The following OTOGL variants were observed in gnomAD, a reference collection of about 807,000 sequenced individuals.
OTOGL encodes the protein otogelin-like protein.
A neutral mutation model predicts 318.5 loss-of-function variants in OTOGL; 285 were observed. The ratio of observed to expected loss-of-function variants is 0.89; its 90% CI spans 0.81 to 0.99. The LOEUF (loss-of-function observed/expected upper bound fraction) is 0.99, where lower values mean the gene tolerates loss of function less well. Among genes scored for constraint, OTOGL ranks in the 50% least tolerant of loss-of-function variants. The probability of loss-of-function intolerance (pLI) is 0.00; values close to 1 mark genes in which losing one functional copy is unlikely to be tolerated. For missense variants in OTOGL, 2,899 were observed against 2,845.6 expected (o/e 1.02, Z -0.43); for synonymous variants, 987 against 936.5 (o/e 1.05, Z -0.99).
rs1490972201 is a variant in OTOGL, at chr12:80,318,705, A to G, written c.3794A>G (p.Lys1265Arg). 3 of 1,275,398 alleles carry G rather than the reference A, an allele frequency of 2.4e-6. No individual in the cohort carries two copies. The highest frequency in any genetic ancestry group is 3.0e-6 in the Non-Finnish European group (3 of 994,154). 79.0% of individuals were successfully genotyped at this position (1,275,398 alleles called of 1,614,324 possible). A position where few individuals can be genotyped will look rare whatever the true frequency, so the allele number is the denominator to read the frequency against. Residue 1265 changes from lysine (K) to arginine (R), a missense_variant, in exon 33 of 59, where the codon AAG becomes AGG. Physicochemically the swap from Lys to Arg is conservative, Grantham distance 26 (BLOSUM62 2). Around this residue, in one of 3 missense-constraint regions of OTOGL, gnomAD observed 2,607 missense variants for 2,524.9 expected, o/e 1.03. Transcript: ENST00000547103. ...FMITPGLFKE[K>R]VSSLALVSLE... ...ATCACTCCAGGCCTTTTCAAAGAGA[A>G]GGTATCATGTAAGTATAATTGAAAA...
At chr12:80,221,523 C>A (rs1023978112) in intron 6 of OTOGL, among the ~76,000 whole-genome samples, 5 of 152,036 alleles carry the variant, frequency 3.3e-5, no homozygotes, top group Non-Finnish European at 7.4e-5. Flanking sequence ...CCCACCTTGG[C>A]CTACCAAATT....
At chr12:80,313,455 A>G in intron 30 of OTOGL, 21 bp from the exon 31 acceptor site, 1 of 1,583,654 alleles carries the variant, frequency 6.3e-7, no homozygotes, top group Non-Finnish European at 8.7e-7. Context: ...AAATTAAGTA[A>G]TCTTTCACCT....
At chr12:80,333,112 A>C (rs751126409) in intron 38 of OTOGL, 34 bp downstream of exon 38, 1 of 1,513,478 alleles carries the variant, frequency 6.6e-7, no homozygotes, top group Non-Finnish European at 9.0e-7. Context: ...GCTCTTTGTC[A>C]TTTCCATATA....
rs745350900 is a variant in OTOGL at position 80,356,771 on chromosome 12, C to T, written c.5912-36C>T. The stretch of plus-strand genomic sequence containing the variant: ...AACACTATGTCATTTTTTTATTATG[C>T]TATACAAATTTTCTAATGTAATTTT... On this transcript the variant is annotated intron_variant, in intron 48 of 58. Transcript: ENST00000547103. 6 of 1,288,730 alleles carry T rather than the reference C, an allele frequency of 4.7e-6. No individual in the cohort carries two copies. The African/African-American group carries it at 7.6e-5, about 16-fold the overall frequency. The allele number at this position is 1,288,730 out of a possible 1,614,324, so 79.8% of individuals were successfully genotyped here.
At chr12:80,352,172 T>C in intron 44 of OTOGL, 123 bp from the exon 45 acceptor site, 1 of 865,338 alleles carries the variant, frequency 1.2e-6, no homozygotes, top group East Asian at 2.7e-5. Flanking sequence ...ATGTAAAGTC[T>C]ATGATGAAGT....
chr12:80,136,172 A>G (rs1871558157), intron 1 of OTOGL, among the ~76,000 whole-genome samples: 1 of 151,976 alleles, frequency 6.6e-6, no homozygotes, highest in Admixed American at 6.6e-5. Context: ...GTCTGTACTC[A>G]CTATCTTCAA....
In OTOGL at chr12:80,302,672, C is replaced by T; in HGVS notation, c.3102C>T (p.Tyr1034=). ...TTTTTCTGGAAAACAAATCTACCTA[C>T]CAGCTTTGGAAGGCTGGTTACTATA... ...SGFFLENKST[Y]QLWKAGYYIV... is the part of the protein sequence containing the mutation. Residue 1034 remains tyrosine, a synonymous_variant, in exon 28 of 59, where the codon TAC becomes TAT. Transcript: ENST00000547103. 2 of 1,407,366 alleles carry T rather than the reference C, an allele frequency of 1.4e-6. No homozygotes were observed. Among genetic ancestry groups the T allele is most frequent in the Non-Finnish European group, 1.9e-6 (2 of 1,078,488 alleles). The allele number at this position is 1,407,366 out of a possible 1,614,324, so 87.2% of individuals were successfully genotyped here.
chr12:80,133,194 G>A (rs1775532525), intron 1 of OTOGL, among the ~76,000 whole-genome samples: 4 of 151,782 alleles, frequency 2.6e-5, no homozygotes, highest in Admixed American at 2.6e-4. Flanking sequence ...AAAAAAAAGA[G>A]GGCTCATTAC....
At chr12:80,176,975 G>C (rs554233613) in intron 1 of OTOGL, among the ~76,000 whole-genome samples, 67 of 152,048 alleles carry the variant, frequency 4.4e-4, no homozygotes, top group African/African-American at 1.5e-3. Context: ...ATCTGTTCAT[G>C]TGCTTGTCAT....
At chr12:80,136,008 T>C (rs1218278908) in intron 1 of OTOGL, among the ~76,000 whole-genome samples, 1 of 152,226 alleles carries the variant, frequency 6.6e-6, no homozygotes, top group African/African-American at 2.4e-5. Context: ...CCAACCTTCA[T>C]AATCATGTGA....
At chr12:80,377,820 CT>C (rs1409918499) in intron 58 of OTOGL, 27 bp from the exon 59 acceptor site, 5 of 1,542,232 alleles carry the variant, frequency 3.2e-6, no homozygotes, top group South Asian at 1.2e-5. Flanking sequence ...AAGTTTAAGA[CT>C]TTTTTTCTCA....
At chr12:80,106,403 C>CA (rs1259743235) in intron 1 of OTOGL, among the ~76,000 whole-genome samples, 1 of 152,162 alleles carries the variant, frequency 6.6e-6, no homozygotes, top group East Asian at 1.9e-4. Flanking sequence ...AATGGTTTGA[C>CA]AATCACCTGT....
At position 80,297,069 on chromosome 12, in the gene OTOGL, T is replaced by C. The variant is rs1885452462; in HGVS notation, c.3063+108T>C. On this transcript the variant is annotated intron_variant, in intron 27 of 58. Coordinates refer to ENST00000547103, the MANE Select transcript of OTOGL (RefSeq NM_001378609.3). ...TCTCTGTAAATGGTCATGAGATCTA[T>C]GTTGTGTTTTGTTTTCATTTTGCGT... The C allele has an allele frequency of 2.8e-6, 3 of 1,063,314 alleles. No homozygotes were observed. In the East Asian group the frequency reaches 8.7e-5, roughly 31 times the overall value. 65.9% of individuals were successfully genotyped at this position (1,063,314 alleles called of 1,614,324 possible). A position where few individuals can be genotyped will look rare whatever the true frequency, so the allele number is the denominator to read the frequency against.
intron 13 of OTOGL, 68 bp from the exon 14 acceptor site, chr12:80,253,398 A>T: frequency 7.1e-7 from 1 of 1,413,372 alleles, no homozygotes; most frequent in Non-Finnish European, 9.9e-7. Flanking sequence ...TGGTTGAATT[A>T]TTATATTCCA....
intron 1 of OTOGL, among the ~76,000 whole-genome samples, chr12:80,158,856 C>A (rs1351532751): frequency 6.6e-6 from 1 of 152,052 alleles, no homozygotes; most frequent in Admixed American, 6.6e-5. Flanking sequence ...CTGGCTAGGA[C>A]TTCCAGTACT....
intron 54 of OTOGL, 89 bp downstream of exon 54, chr12:80,367,828 A>T: frequency 2.4e-6 from 2 of 836,108 alleles, no homozygotes; most frequent in Admixed American, 3.7e-5. Flanking sequence ...ATACTCCATT[A>T]GTTTAAAATA....
At chr12:80,138,200 G>GCAAA (rs1871702270) in intron 1 of OTOGL, among the ~76,000 whole-genome samples, 1 of 151,964 alleles carries the variant, frequency 6.6e-6, no homozygotes, top group Non-Finnish European at 1.5e-5. Context: ...TTTCCTTAGG[G>GCAAA]CAAAGGCTCC....
intron 7 of OTOGL, among the ~76,000 whole-genome samples, chr12:80,225,575 T>C (rs533040113): frequency 6.6e-6 from 1 of 152,266 alleles, no homozygotes; most frequent in East Asian, 1.9e-4. Context: ...AGAGTTACCA[T>C]TGGTTAACAG....
At position 80,320,318 on chromosome 12, in the gene OTOGL, G is replaced by A. The variant is rs1887240289; in HGVS notation, c.3803-104G>A. ...TAGTTATTGGCACTAATTATGTTTG[G>A]CAATTGTGCAGTACTATTTTGTTTA... On this transcript the variant is annotated intron_variant, in intron 33 of 58. Coordinates refer to ENST00000547103, the MANE Select transcript of OTOGL (RefSeq NM_001378609.3). 8 of 1,044,282 alleles carry A rather than the reference G, an allele frequency of 7.7e-6. No homozygotes were observed. The South Asian group carries it at 9.5e-5, about 12-fold the overall frequency. 64.7% of individuals were successfully genotyped at this position (1,044,282 alleles called of 1,614,324 possible).
Sources: gnomAD v4.1 joint callset for allele counts (sites outside exome capture counted in the v4.1 genomes callset) on GRCh38, gnomAD v4.1.1 for gene constraint, gnomAD v4.1.1 regional missense constraint, MANE v1.5 for transcripts, NCBI Gene and HGNC (gene_info 2026-07-23, HGNC 2026-07-21) for gene names.